Variants in COL5A1 observed in about 807,000 individuals in gnomAD.
COL5A1 encodes the protein collagen alpha-1(V) chain.
In COL5A1, 16 loss-of-function variants were observed where a neutral mutation model predicts 263.7. The ratio of observed to expected loss-of-function variants is 0.06; its 90% CI spans 0.04 to 0.09. COL5A1 has a LOEUF of 0.09. Ranked by LOEUF, COL5A1 falls within the 10% of genes least tolerant of loss-of-function variation. COL5A1 has a pLI of 1.00. For missense variants in COL5A1, 2,036 were observed against 2,540.5 expected, an observed-to-expected ratio of 0.80 and a Z score of 4.27; for synonymous variants, 1,012 against 1,004.5, an observed-to-expected ratio of 1.01 and a Z score of -0.14.
rs1237585564 is a variant in COL5A1, at chr9:134,642,897, G to C, written c.109+601G>C. ...GGGGCACTGGGGACCCCTGCAGGGT[G>C]GTAGACAGCCCTGCTCCTAATCCCA... On this transcript the variant is annotated intron_variant, in intron 1 of 65. Coordinates refer to ENST00000371817, the MANE Select transcript of COL5A1 (RefSeq NM_000093.5). The surrounding 1 kb of genome is among the most constrained non-coding windows in gnomAD (Gnocchi z 4.5). Among the ~76,000 whole-genome samples the C allele has an allele frequency of 6.6e-6, 1 of 152,240 alleles. No homozygotes were observed. Among genetic ancestry groups the C allele is most frequent in the Non-Finnish European group, 1.5e-5 (1 of 68,050 alleles).
intron 59 of COL5A1, 105 bp from the exon 60 acceptor site, chr9:134,822,893 G>A: frequency 2.4e-6 from 3 of 1,272,988 alleles, no homozygotes; most frequent in Non-Finnish European, 3.4e-6. Flanking sequence ...GGGGATGCGG[G>A]TGGGAGAGGG....
At chr9:134,769,389 G>A (rs1836794118) in intron 25 of COL5A1, among the ~76,000 whole-genome samples, 1 of 152,206 alleles carries the variant, frequency 6.6e-6, no homozygotes, top group African/African-American at 2.4e-5. Flanking sequence ...CTGGCCACAT[G>A]GGAGTTTGCA....
chr9:134,760,499 T>C (rs1588516442), intron 18 of COL5A1, among the ~76,000 whole-genome samples: 2 of 63,150 alleles, frequency 3.2e-5, no homozygotes, highest in South Asian at 5.7e-4. Flanking sequence ...ACACCACACA[T>C]GCACACACGC....
Position 134,756,762 on chromosome 9 carries a change from C to T in COL5A1, c.1828-3C>T. 1.2e-6 allele frequency: 2 copies of T among 1,614,002 alleles called. No individual in the cohort carries two copies. Among genetic ancestry groups the T allele is most frequent in the Non-Finnish European group, 1.7e-6 (2 of 1,180,004 alleles). On this transcript the variant is annotated splice_polypyrimidine_tract_variant and splice_region_variant and intron_variant, in intron 16 of 65. Coordinates refer to ENST00000371817, the MANE Select transcript of COL5A1 (RefSeq NM_000093.5). The stretch of plus-strand genomic sequence containing the variant: ...ATTGACGGTTTTGCCTCCTTTGTTC[C>T]AGGGTCGGGCTGGGAGTGATGGAGC...
rs186076890 is a variant in COL5A1, at chr9:134,705,117, C to G, written c.654+3784C>G. Among the ~76,000 whole-genome samples the G allele has an allele frequency of 1.1e-3, 164 of 152,328 alleles. 1 individual carries two copies. The highest frequency in any genetic ancestry group is 2.0e-3 in the Non-Finnish European group (139 of 68,030). ...TAGAGTTATACTGAACAAGGATTCACCAAACTCTAAGAGAGTTCGTTTAAA... is the reference window on the plus strand; with the variant it reads ...TAGAGTTATACTGAACAAGGATTCAGCAAACTCTAAGAGAGTTCGTTTAAA... On this transcript the variant is annotated intron_variant, in intron 4 of 65. Coordinates refer to ENST00000371817, the MANE Select transcript of COL5A1 (RefSeq NM_000093.5).
At position 134,758,517 on chromosome 9, in the gene COL5A1, C is replaced by T. The variant is rs1223676527; in HGVS notation, c.1935+221C>T. ...AGCCCAAAGGAATTGGAGCTCTTAT[C>T]TACAGTTTGTGACAAGTGAGCCAGA... On this transcript the variant is annotated intron_variant, in intron 18 of 65. Transcript: ENST00000371817. This position sits in a 1 kb window ranked among gnomAD's most constrained non-coding sequence, Gnocchi z 4.1. Among the ~76,000 whole-genome samples, 1 of 152,158 alleles carries T rather than the reference C, an allele frequency of 6.6e-6. No individual in the cohort carries two copies. Among genetic ancestry groups the T allele is most frequent in the Non-Finnish European group, 1.5e-5 (1 of 68,016 alleles).
Position 134,741,001 on chromosome 9 carries a change from TG to T in COL5A1, c.1494+2195del, listed in dbSNP as rs1196172868. On this transcript the variant is annotated intron_variant, in intron 11 of 65. Coordinates refer to ENST00000371817, the MANE Select transcript of COL5A1 (RefSeq NM_000093.5). This position sits in a 1 kb window ranked among gnomAD's most constrained non-coding sequence, Gnocchi z 4.5. ...AGGGCCCTTCCAGTGAGAGGGGTGC[TG>T]GTTCCAGGAGCTGAGAGCTGACCAC... Among the ~76,000 whole-genome samples, 1 of 152,190 alleles carries T rather than the reference TG, an allele frequency of 6.6e-6. No individual in the cohort carries two copies. The highest frequency in any genetic ancestry group is 1.5e-5 in the Non-Finnish European group (1 of 68,028).
In COL5A1 at chr9:134,761,975, A is replaced by G; in HGVS notation, c.1986A>G (p.Glu662=). 6.2e-7 allele frequency: 1 copy of G among 1,613,430 alleles called. No individual in the cohort carries two copies. Residue 662 remains glutamate, a synonymous_variant, in exon 19 of 66, where the codon GAA becomes GAG. Transcript: ENST00000371817. ...CAGGACCTCCGGGAGACGATGGAGA[A>G]AGGGTAGGTATTCTGCCGTCCCTCC... ...GPPGPPGDDG[E]RGDDGEVGPR...
intron 1 of COL5A1, among the ~76,000 whole-genome samples, chr9:134,665,297 G>A (rs1564374144): frequency 1.3e-5 from 2 of 152,212 alleles, no homozygotes; most frequent in Admixed American, 6.5e-5. Flanking sequence ...GTGGAGAACC[G>A]CTGTGCAGCA....
At chr9:134,749,248 A>C (rs566317818) in intron 11 of COL5A1, among the ~76,000 whole-genome samples, 1 of 152,180 alleles carries the variant, frequency 6.6e-6, no homozygotes, top group Non-Finnish European at 1.5e-5. Flanking sequence ...ACAAAACAAA[A>C]AAAACAAAAC....
intron 39 of COL5A1, among the ~76,000 whole-genome samples, chr9:134,803,314 G>A (rs989980049): frequency 9.9e-5 from 15 of 152,194 alleles, no homozygotes; most frequent in East Asian, 1.9e-4. Context: ...TCCATAACAC[G>A]TTTAGCAGAA....
At chr9:134,733,812 T>G (rs572816040) in intron 9 of COL5A1, among the ~76,000 whole-genome samples, 13 of 152,312 alleles carry the variant, frequency 8.5e-5, no homozygotes, top group African/African-American at 3.1e-4. Context: ...GCTACACTTG[T>G]TATTGAGAGG....
intron 14 of COL5A1, 63 bp from the exon 15 acceptor site, chr9:134,753,768 CCCTCCCCTGCCACCCCCAG>C: frequency 1.4e-6 from 1 of 727,262 alleles, no homozygotes; most frequent in Non-Finnish European, 2.5e-6. Flanking sequence ...CTCCCCCTGC[CCCTCCCCTGCCACCCCCAG>C]CCCTTCCTGT....
intron 1 of COL5A1, among the ~76,000 whole-genome samples, chr9:134,689,442 A>C (rs1833194626): frequency 6.6e-6 from 1 of 152,180 alleles, no homozygotes; most frequent in Admixed American, 6.5e-5. Context: ...GTTGGGATCT[A>C]ACTCCAATTG....
rs1399973685 is a variant in COL5A1 at position 134,795,088 on chromosome 9, C to T, written c.2707C>T (p.Pro903Ser). The T allele has an allele frequency of 1.9e-6, 3 of 1,614,034 alleles. No homozygotes were observed. The highest frequency in any genetic ancestry group is 2.5e-6 in the Non-Finnish European group (3 of 1,179,996). Residue 903 changes from proline (P) to serine (S), a missense_variant, in exon 33 of 66, where the codon CCT (proline) becomes TCT (serine). Physicochemically the swap from Pro to Ser is moderately conservative, Grantham distance 74 (BLOSUM62 -1). Coordinates refer to ENST00000371817, the MANE Select transcript of COL5A1 (RefSeq NM_000093.5). ...ANGEKGGRGTPGKPGPRGQRG... is the reference protein window; with the variant it reads ...ANGEKGGRGTSGKPGPRGQRG... The stretch of plus-strand genomic sequence containing the variant: ...GCCCCTTCTCTGATTCTAGGGGACC[C>T]CTGGAAAGCCAGGACCGCGGGGGCA...
chr9:134,696,943 T>C lies in COL5A1; in HGVS notation c.278-2966T>C, dbSNP rs568069800. Reference sequence around the variant, plus strand: ...AAAATTAGCCAGGCTTGGTGGCGGGTGCCTGTAGTCCCAGCTACTCGGGAG... The same window carrying C: ...AAAATTAGCCAGGCTTGGTGGCGGGCGCCTGTAGTCCCAGCTACTCGGGAG... On this transcript the variant is annotated intron_variant, in intron 2 of 65. Transcript: ENST00000371817. This position sits in a 1 kb window ranked among gnomAD's most constrained non-coding sequence, Gnocchi z 4.3. Among the ~76,000 whole-genome samples the C allele has an allele frequency of 2.9e-3, 446 of 151,888 alleles. 1 individual carries two copies. The highest frequency in any genetic ancestry group is 0.012 in the Admixed American group (181 of 15,258).
chr9:134,697,090 G>A (rs1833505884), intron 2 of COL5A1, among the ~76,000 whole-genome samples: 3 of 151,636 alleles, frequency 2.0e-5, no homozygotes, highest in South Asian at 4.2e-4. Context: ...AAAATGAAAA[G>A]CTCTGAGGGA....
rs566953667 is a variant in COL5A1 at position 134,842,357 on chromosome 9, C to T, written c.*54C>T. ...AACCTCGTGACCTCAGCATGCCATT[C>T]GTTCGTGAGTGTCCCGTGCACGTCC... On this transcript the variant is annotated 3_prime_UTR_variant, in exon 66 of 66. Coordinates refer to ENST00000371817, the MANE Select transcript of COL5A1 (RefSeq NM_000093.5). This position sits in a 1 kb window ranked among gnomAD's most constrained non-coding sequence, Gnocchi z 5.8. 73 of 1,604,502 alleles carry T rather than the reference C, an allele frequency of 4.5e-5. No homozygotes were observed. Among genetic ancestry groups the T allele is most frequent in the African/African-American group, 9.3e-5 (7 of 74,910 alleles).
chr9:134,815,728 C>A, intron 51 of COL5A1, 99 bp downstream of exon 51: 1 of 1,403,018 alleles, frequency 7.1e-7, no homozygotes, highest in Non-Finnish European at 9.9e-7. Flanking sequence ...TTGTGATGAA[C>A]TCCCACTGGG....
Sources: allele counts gnomAD v4.1 joint callset (sites outside exome capture counted in the v4.1 genomes callset), GRCh38; gene constraint gnomAD v4.1.1; non-coding constraint Gnocchi (gnomAD v3.1); transcripts MANE v1.5; gene names NCBI Gene and HGNC (gene_info 2026-07-23, HGNC 2026-07-21).